Variants in MCTP1 observed in about 807,000 individuals in gnomAD.
The protein encoded by MCTP1 is multiple C2 and transmembrane domain containing 1.
A neutral mutation model predicts 120.6 loss-of-function variants in MCTP1; 69 were observed. The observed-to-expected ratio is 0.57, with a 90% CI of 0.47 to 0.70. MCTP1 has a LOEUF of 0.70. Among genes scored for constraint, MCTP1 ranks in the 30% least tolerant of loss-of-function variants. The pLI is 0.00. For missense variants in MCTP1, 1,203 were observed against 1,248.8 expected (o/e 0.96, Z 0.55); for synonymous variants, 529 against 493.1 (o/e 1.07, Z -0.96).
chr5:94,779,042 C>T (rs1472045641), intron 19 of MCTP1, 68 bp downstream of exon 19: 4 of 1,384,220 alleles, frequency 2.9e-6, no homozygotes, highest in Non-Finnish European at 4.1e-6. Flanking sequence ...TTTTAACTGT[C>T]TGTGAAAACA....
intron 18 of MCTP1, chr5:94,793,638 TA>T (rs1032911789): frequency 1.3e-5 from 2 of 152,248 alleles, no homozygotes; most frequent in African/African-American, 4.8e-5. Context: ...AGTCTAACTG[TA>T]TGTTCAGAGT....
chr5:95,055,368 A>T (rs1477472748), intron 1 of MCTP1, among the ~76,000 whole-genome samples: 1 of 152,218 alleles, frequency 6.6e-6, no homozygotes, highest in Non-Finnish European at 1.5e-5. Flanking sequence ...AACATTCTTG[A>T]TGACTCCAAG....
At chr5:95,049,351 C>T (rs973666844) in intron 1 of MCTP1, among the ~76,000 whole-genome samples, 2 of 152,056 alleles carry the variant, frequency 1.3e-5, no homozygotes, top group Non-Finnish European at 1.5e-5. Context: ...CCTGAATTAC[C>T]GCCCACCGTT....
intron 1 of MCTP1, among the ~76,000 whole-genome samples, chr5:95,203,776 A>G (rs977983525): frequency 1.3e-5 from 2 of 152,250 alleles, no homozygotes; most frequent in African/African-American, 2.4e-5. Flanking sequence ...GTAACTTAAC[A>G]CATATGTGAG....
intron 19 of MCTP1, among the ~76,000 whole-genome samples, chr5:94,751,486 A>G (rs941349792): frequency 6.6e-6 from 1 of 151,944 alleles, no homozygotes; most frequent in African/African-American, 2.4e-5. Flanking sequence ...AAGCCTAATA[A>G]AAGTGACCTG....
At chr5:95,138,438 G>A (rs1338998122) in intron 1 of MCTP1, among the ~76,000 whole-genome samples, 1 of 152,188 alleles carries the variant, frequency 6.6e-6, no homozygotes, top group Non-Finnish European at 1.5e-5. Flanking sequence ...TTCTAGAAGA[G>A]CAAGTGTCAT....
chr5:94,784,858 C>T (rs775851382), intron 18 of MCTP1: 4 of 151,950 alleles, frequency 2.6e-5, no homozygotes, highest in East Asian at 3.9e-4. Flanking sequence ...TTTACAGAGA[C>T]ACTCAAATAC....
chr5:94,814,735 G>A (rs550638519), intron 17 of MCTP1, among the ~76,000 whole-genome samples: 68 of 151,974 alleles, frequency 4.5e-4, no homozygotes, highest in Middle Eastern at 3.4e-3. Context: ...GAAAAGGACA[G>A]CTTAGCCCAA....
intron 19 of MCTP1, among the ~76,000 whole-genome samples, chr5:94,773,652 G>A (rs1378552968): frequency 1.3e-5 from 2 of 152,126 alleles, no homozygotes; most frequent in East Asian, 1.9e-4. Flanking sequence ...CCACATGGCT[G>A]GGGAGGACTC....
At chr5:95,113,753 G>A (rs191494439) in intron 1 of MCTP1, among the ~76,000 whole-genome samples, 1 of 152,266 alleles carries the variant, frequency 6.6e-6, no homozygotes, top group African/African-American at 2.4e-5. Flanking sequence ...TGCTGAATCA[G>A]GCTCTGAGTC....
intron 1 of MCTP1, among the ~76,000 whole-genome samples, chr5:95,155,977 C>T (rs748206388): frequency 1.2e-4 from 19 of 152,324 alleles, no homozygotes; most frequent in South Asian, 4.1e-4. Flanking sequence ...AAGGTGGCCA[C>T]ATGGCTAGGA....
chr5:95,239,089 C>T (rs1755879610), intron 1 of MCTP1, among the ~76,000 whole-genome samples: 1 of 152,150 alleles, frequency 6.6e-6, no homozygotes, highest in Admixed American at 6.5e-5. Flanking sequence ...TCTCACATCT[C>T]ACTGTTACAC....
chr5:95,197,746 T>C (rs770856360), intron 1 of MCTP1, among the ~76,000 whole-genome samples: 1 of 152,160 alleles, frequency 6.6e-6, no homozygotes, highest in Non-Finnish European at 1.5e-5. Context: ...TAGCTCTCTT[T>C]ATCCATATAT....
At chr5:94,899,791 C>G (rs1187519999) in intron 10 of MCTP1, among the ~76,000 whole-genome samples, 2 of 152,206 alleles carry the variant, frequency 1.3e-5, no homozygotes, top group Non-Finnish European at 2.9e-5. Context: ...ATACCAGAAA[C>G]AGTGACCAAT....
rs1037997723 is a variant in MCTP1 at position 94,704,034 on chromosome 5, C to CCAAT, written c.*3458_*3461dup. On this transcript the variant is annotated 3_prime_UTR_variant, in exon 23 of 23. Transcript: ENST00000515393. ...TTTTGTTTTCTTTCAGTGAGTTACA[C>CCAAT]CAATCATCCCAGGAAAAAGAATTAT... 2.0e-5 allele frequency: 3 copies of CCAAT among 150,524 alleles called. No individual in the cohort carries two copies. Among genetic ancestry groups the CCAAT allele is most frequent in the African/African-American group, 7.3e-5 (3 of 41,028 alleles). The allele number at this position is 150,524 out of a possible 1,614,324, so 9.3% of individuals were successfully genotyped here. A position where few individuals can be genotyped will look rare whatever the true frequency, so the allele number is the denominator to read the frequency against.
intron 1 of MCTP1, among the ~76,000 whole-genome samples, chr5:95,070,770 G>A (rs1433607476): frequency 2.0e-5 from 3 of 152,186 alleles, no homozygotes; most frequent in Non-Finnish European, 2.9e-5. Context: ...AATTCATCCC[G>A]CAGTAGTTCC....
chr5:95,035,936 T>C (rs981663085), intron 1 of MCTP1, among the ~76,000 whole-genome samples: 1 of 152,138 alleles, frequency 6.6e-6, no homozygotes, highest in African/African-American at 2.4e-5. Flanking sequence ...TTAGTACTCT[T>C]GTATTACTTA....
At chr5:95,104,822 C>T (rs143213504) in intron 1 of MCTP1, among the ~76,000 whole-genome samples, 2,139 of 152,284 alleles carry the variant, frequency 0.014, 25 homozygotes, top group Non-Finnish European at 0.02. Flanking sequence ...AAGCCATCAT[C>T]TTCAACACTG....
intron 2 of MCTP1, among the ~76,000 whole-genome samples, chr5:94,994,243 G>A: frequency 6.6e-6 from 1 of 152,158 alleles, no homozygotes; most frequent in East Asian, 1.9e-4. Context: ...TGAGGCTGGA[G>A]GGACAATTTA....
Sources: gnomAD v4.1 joint callset for allele counts (sites outside exome capture counted in the v4.1 genomes callset) on GRCh38, gnomAD v4.1.1 for gene constraint, MANE v1.5 for transcripts, NCBI Gene and HGNC (gene_info 2026-07-23, HGNC 2026-07-21) for gene names.